The following MECOM variants were observed in gnomAD, a reference collection of about 807,000 sequenced individuals.
The protein encoded by MECOM is MDS1 and EVI1 complex locus, also known as histone-lysine N-methyltransferase MECOM.
Under a neutral mutation model 116.3 loss-of-function variants are expected in MECOM, and 13 were observed. That is an observed-to-expected ratio of 0.11 (90% CI 0.07 to 0.18). The LOEUF (loss-of-function observed/expected upper bound fraction) is 0.18, where lower values mean the gene tolerates loss of function less well. MECOM is among the 10% of genes least tolerant of loss of function. MECOM has a pLI of 1.00. For synonymous variants in MECOM, 528 were observed against 535.2 expected (o/e 0.99, Z 0.19); for missense variants, 1,299 against 1,509.0 (o/e 0.86, Z 2.31).
At chr3:169,241,996 T>G (rs1258780905) in intron 2 of MECOM, among the ~76,000 whole-genome samples, 1 of 152,200 alleles carries the variant, frequency 6.6e-6, no homozygotes. Context: ...ACATTAGTGA[T>G]CTGTGAATAG....
intron 2 of MECOM, among the ~76,000 whole-genome samples, chr3:169,342,489 T>C (rs956606282): frequency 1.3e-5 from 2 of 152,164 alleles, no homozygotes; most frequent in South Asian, 2.1e-4. Context: ...TATCTTTTCA[T>C]ATTATTTATA....
At chr3:169,297,719 G>T (rs2149707583) in intron 2 of MECOM, among the ~76,000 whole-genome samples, 3 of 152,214 alleles carry the variant, frequency 2.0e-5, no homozygotes, top group Admixed American at 2.0e-4. Context: ...TAGCTTAAGA[G>T]GAAAGAATAC....
In MECOM at chr3:169,587,426, A is replaced by AACACAC. The variant is rs3980637; in HGVS notation, c.37+75904_37+75909dup. 3.6e-4 allele frequency among the ~76,000 whole-genome samples: 51 copies of AACACAC among 141,084 alleles called. 2 individuals are homozygous for AACACAC. In the East Asian group the frequency reaches 3.8e-3, roughly 10 times the overall value. The allele number at this position is 141,084 out of a possible 152,430, so 92.6% of individuals were successfully genotyped here. On this transcript the variant is annotated intron_variant, in intron 1 of 16. Coordinates refer to ENST00000651503, the MANE Select transcript of MECOM (RefSeq NM_004991.4). Reference sequence around the variant, plus strand: ...TTTATCACATGTAAACCCACACGCCAACACACACACACACACACACACACA... The same window carrying AACACAC: ...TTTATCACATGTAAACCCACACGCCAACACACACACACACACACACACACACACACA...
chr3:169,461,372 G>C (rs972308670), intron 1 of MECOM, among the ~76,000 whole-genome samples: 13 of 152,254 alleles, frequency 8.5e-5, no homozygotes, highest in Admixed American at 3.9e-4. Context: ...CAAACACCAG[G>C]CTAGTGTTAT....
intron 1 of MECOM, among the ~76,000 whole-genome samples, chr3:169,536,134 T>C (rs1027710606): frequency 2.0e-5 from 3 of 152,172 alleles, no homozygotes; most frequent in African/African-American, 7.2e-5. Flanking sequence ...CCTTGCCTTG[T>C]TCTGTCCTCT....
chr3:169,453,838 C>T (rs749347775), intron 1 of MECOM, among the ~76,000 whole-genome samples: 27 of 151,972 alleles, frequency 1.8e-4, no homozygotes, highest in Non-Finnish European at 3.7e-4. Context: ...CCACAATGGC[C>T]ATAATTCAGG....
intron 7 of MECOM, 155 bp downstream of exon 7, chr3:169,120,901 G>A (rs778880773): frequency 1.5e-5 from 10 of 647,920 alleles, no homozygotes; most frequent in Non-Finnish European, 2.3e-5. Context: ...GATTATAAAA[G>A]ATTTACTTGT....
At chr3:169,414,338 A>G (rs1289645165) in intron 1 of MECOM, among the ~76,000 whole-genome samples, 2 of 152,190 alleles carry the variant, frequency 1.3e-5, no homozygotes, top group African/African-American at 4.8e-5. Context: ...AAATAATAGC[A>G]TCAACATCTA....
intron 2 of MECOM, among the ~76,000 whole-genome samples, chr3:169,377,773 A>C (rs1246763520): frequency 1.3e-5 from 2 of 152,174 alleles, no homozygotes; most frequent in Admixed American, 6.5e-5. Context: ...GCGATTCCTC[A>C]AGTATCTAGA....
At chr3:169,314,048 A>C (rs1719286458) in intron 2 of MECOM, among the ~76,000 whole-genome samples, 1 of 152,214 alleles carries the variant, frequency 6.6e-6, no homozygotes, top group Non-Finnish European at 1.5e-5. Flanking sequence ...ACCCAGTCCC[A>C]TCTTATTTCT....
chr3:169,102,460 G>C (rs1489423008), intron 10 of MECOM, among the ~76,000 whole-genome samples: 4 of 152,142 alleles, frequency 2.6e-5, no homozygotes, highest in Non-Finnish European at 4.4e-5. Flanking sequence ...TAAGACCTTG[G>C]TTAGGCCATT....
intron 1 of MECOM, among the ~76,000 whole-genome samples, chr3:169,397,827 C>T (rs1002792129): frequency 1.3e-5 from 2 of 152,296 alleles, no homozygotes; most frequent in Middle Eastern, 3.4e-3. Flanking sequence ...TTGTCATGGG[C>T]AGCTCATTCT....
intron 1 of MECOM, among the ~76,000 whole-genome samples, chr3:169,445,829 T>C (rs1744531605): frequency 6.6e-6 from 1 of 152,192 alleles, no homozygotes; most frequent in Non-Finnish European, 1.5e-5. Flanking sequence ...CTTGCATCAG[T>C]GTAACCTGGA....
At position 169,084,210 on chromosome 3, in the gene MECOM, C is replaced by T; in HGVS notation, c.*699G>A. On this transcript the variant is annotated 3_prime_UTR_variant, in exon 17 of 17. Coordinates refer to ENST00000651503, the MANE Select transcript of MECOM (RefSeq NM_004991.4). ...GATGTTATTACAAGGATTTGGCAAA[C>T]AATTTATTAGTGGTACAGCGGTACT... 4.3e-6 allele frequency: 1 copy of T among 231,934 alleles called. No homozygotes were observed. The highest frequency in any genetic ancestry group is 8.5e-6 in the Non-Finnish European group (1 of 117,252). 14.4% of individuals were successfully genotyped at this position (231,934 alleles called of 1,614,324 possible).
chr3:169,169,457 T>C (rs1744084042), intron 2 of MECOM, among the ~76,000 whole-genome samples: 1 of 152,216 alleles, frequency 6.6e-6, no homozygotes, highest in Non-Finnish European at 1.5e-5. Context: ...CATGTTCTGC[T>C]ATGTTCTTTG....
chr3:169,503,478 T>C (rs1366489811), intron 1 of MECOM, among the ~76,000 whole-genome samples: 5 of 152,212 alleles, frequency 3.3e-5, no homozygotes, highest in South Asian at 4.1e-4. Flanking sequence ...CTTAATGCAA[T>C]AATTTGAACC....
At chr3:169,355,497 A>G (rs1175916922) in intron 2 of MECOM, among the ~76,000 whole-genome samples, 1 of 151,954 alleles carries the variant, frequency 6.6e-6, no homozygotes, top group Non-Finnish European at 1.5e-5. Flanking sequence ...TATAGACAAC[A>G]GAAGCACTTT....
In MECOM at chr3:169,361,123, C is replaced by T. The variant is rs545383402; in HGVS notation, c.375+20064G>A. Among the ~76,000 whole-genome samples, 8 of 151,840 alleles carry T rather than the reference C, an allele frequency of 5.3e-5. No individual in the cohort carries two copies. In the East Asian group the frequency reaches 9.8e-4, roughly 19 times the overall value. ...TCATGGAGTTAGGGATGAAGGAGAA[C>T]GCTTTATGAAGGTTTAAATGTACAG... is the stretch of plus-strand genomic sequence containing the variant. On this transcript the variant is annotated intron_variant, in intron 2 of 16. Coordinates refer to ENST00000651503, the MANE Select transcript of MECOM (RefSeq NM_004991.4).
chr3:169,534,754 C>T (rs1759130537), intron 1 of MECOM, among the ~76,000 whole-genome samples: 1 of 152,136 alleles, frequency 6.6e-6, no homozygotes, highest in South Asian at 2.1e-4. Flanking sequence ...TGCTATTCTC[C>T]CCATCCCTAT....
Sources: allele counts gnomAD v4.1 joint callset (sites outside exome capture counted in the v4.1 genomes callset), GRCh38; gene constraint gnomAD v4.1.1; transcripts MANE v1.5; gene names NCBI Gene and HGNC (gene_info 2026-07-23, HGNC 2026-07-21).